The following PPP2R5C variants were observed in gnomAD, a reference collection of about 807,000 sequenced individuals.
PPP2R5C encodes serine/threonine-protein phosphatase 2A 56 kDa regulatory subunit gamma isoform.
In PPP2R5C, 7 loss-of-function variants were observed where a neutral mutation model predicts 68.9. The ratio of observed to expected loss-of-function variants is 0.10; its 90% CI spans 0.06 to 0.19. PPP2R5C has a LOEUF of 0.19. Among genes scored for constraint, PPP2R5C ranks in the 10% least tolerant of loss-of-function variants. The pLI is 1.00. For missense variants in PPP2R5C, 348 were observed against 641.3 expected, an observed-to-expected ratio of 0.54 and a Z score of 4.94; for synonymous variants, 210 against 222.2, an observed-to-expected ratio of 0.95 and a Z score of 0.49.
At chr14:101,768,970 G>A (rs539520369) in intron 2 of PPP2R5C, among the ~76,000 whole-genome samples, 30 of 152,008 alleles carry the variant, frequency 2.0e-4, no homozygotes, top group South Asian at 4.2e-4. Context: ...GACTACAGGC[G>A]CCCGCCACCA....
At chr14:101,840,805 G>A (rs1203650555) in intron 1 of PPP2R5C, among the ~76,000 whole-genome samples, 1 of 152,182 alleles carries the variant, frequency 6.6e-6, no homozygotes, top group African/African-American at 2.4e-5. Flanking sequence ...TGCAGAACCA[G>A]ACATTGTCAA....
At chr14:101,907,093 T>C (rs1190058551) in intron 10 of PPP2R5C, among the ~76,000 whole-genome samples, 1 of 152,250 alleles carries the variant, frequency 6.6e-6, no homozygotes, top group African/African-American at 2.4e-5. Context: ...TACTGAGCAA[T>C]AGTCTTCTGA....
At chr14:101,881,293 G>A (rs1157046418) in intron 2 of PPP2R5C, among the ~76,000 whole-genome samples, 1 of 152,048 alleles carries the variant, frequency 6.6e-6, no homozygotes, top group African/African-American at 2.4e-5. Context: ...CTAGCTACTC[G>A]GGAGGCTGAG....
At chr14:101,851,084 G>A (rs914566529) in intron 1 of PPP2R5C, among the ~76,000 whole-genome samples, 4 of 152,138 alleles carry the variant, frequency 2.6e-5, no homozygotes, top group African/African-American at 4.8e-5. Context: ...TCTTGTCTGT[G>A]GGCTCGCGAC....
At chr14:101,844,423 C>G (rs1013014986) in intron 1 of PPP2R5C, among the ~76,000 whole-genome samples, 1 of 152,144 alleles carries the variant, frequency 6.6e-6, no homozygotes. Context: ...TGGCCCTGAT[C>G]CCCCGGCTGC....
At chr14:101,762,633 C>T (rs768352242) in intron 1 of PPP2R5C, among the ~76,000 whole-genome samples, 6 of 151,928 alleles carry the variant, frequency 3.9e-5, no homozygotes, top group Non-Finnish European at 8.8e-5. Context: ...TCTCAAAATG[C>T]CAGAAGCACT....
intron 1 of PPP2R5C, chr14:101,817,908 A>G (rs1267963932): frequency 6.6e-6 from 1 of 152,200 alleles, no homozygotes. Flanking sequence ...TTCGTAGGTC[A>G]CGTATGGTAC....
Position 101,892,969 on chromosome 14 carries a change from T to C in PPP2R5C, c.690-31T>C, listed in dbSNP as rs774988952. On this transcript the variant is annotated intron_variant, in intron 6 of 13. Transcript: ENST00000334743. ...TTGTTTAAAACCTGGAATTCGTAAA[T>C]GTTCAAACCTAATAAATGTTCTTTT... is the stretch of plus-strand genomic sequence containing the variant. 1.3e-5 allele frequency: 19 copies of C among 1,443,214 alleles called. No individual in the cohort carries two copies. The African/African-American group carries it at 2.4e-4, about 18-fold the overall frequency. 89.4% of individuals were successfully genotyped at this position (1,443,214 alleles called of 1,614,324 possible). A position where few individuals can be genotyped will look rare whatever the true frequency, so the allele number is the denominator to read the frequency against.
intron 1 of PPP2R5C, among the ~76,000 whole-genome samples, chr14:101,822,530 A>C (rs1389124966): frequency 1.3e-5 from 2 of 152,224 alleles, no homozygotes; most frequent in Non-Finnish European, 2.9e-5. Context: ...ACAACATTTA[A>C]ATTTAAGCCA....
chr14:101,790,093 AC>A (rs759465478), intron 3 of PPP2R5C, among the ~76,000 whole-genome samples: 59 of 151,110 alleles, frequency 3.9e-4, no homozygotes, highest in Non-Finnish European at 7.1e-4. Context: ...TTTTATTTTA[AC>A]CTTTTCTTCA....
chr14:101,761,002 G>A (rs2036484281), upstream of PPP2R5C, among the ~76,000 whole-genome samples: 1 of 112,766 alleles, frequency 8.9e-6, no homozygotes, highest in African/African-American at 3.5e-5. Flanking sequence ...CGGGCTGGTC[G>A]AGAGAAGGGG....
chr14:101,857,609 A>C (rs2042500203), intron 2 of PPP2R5C, among the ~76,000 whole-genome samples: 1 of 152,236 alleles, frequency 6.6e-6, no homozygotes. Context: ...TGAAGTGTCA[A>C]ACTTTACAGC....
At chr14:101,854,260 T>C (rs989643821) in intron 1 of PPP2R5C, among the ~76,000 whole-genome samples, 2 of 152,180 alleles carry the variant, frequency 1.3e-5, no homozygotes, top group Non-Finnish European at 2.9e-5. Context: ...GATCTCTGAA[T>C]GCAGCGTAGG....
intron 3 of PPP2R5C, among the ~76,000 whole-genome samples, chr14:101,803,724 C>A: frequency 6.8e-6 from 1 of 148,080 alleles, no homozygotes. Context: ...AGCAAGACTC[C>A]ATCTCAAAAA....
intron 8 of PPP2R5C, among the ~76,000 whole-genome samples, chr14:101,897,045 G>C (rs1353755842): frequency 6.6e-6 from 1 of 152,128 alleles, no homozygotes; most frequent in South Asian, 2.1e-4. Context: ...AGGTGCTACA[G>C]AGCCACGAGC....
chr14:101,872,219 C>CATT (rs2043467165), intron 2 of PPP2R5C, among the ~76,000 whole-genome samples: 1 of 91,196 alleles, frequency 1.1e-5, no homozygotes, highest in Non-Finnish European at 2.0e-5. Context: ...TTTCTTTTGC[C>CATT]TTTTTTTTTT....
chr14:101,858,312 A>C (rs943782396), intron 2 of PPP2R5C, among the ~76,000 whole-genome samples: 1 of 152,126 alleles, frequency 6.6e-6, no homozygotes, highest in Admixed American at 6.5e-5. Context: ...TGTTTTGCGC[A>C]TCACATTTTA....
chr14:101,899,628 A>G lies in PPP2R5C; in HGVS notation c.853-2091A>G, dbSNP rs554992602. On this transcript the variant is annotated intron_variant, in intron 8 of 13. Coordinates refer to ENST00000334743, the Ensembl canonical transcript of PPP2R5C. This position sits in a 1 kb window ranked among gnomAD's most constrained non-coding sequence, Gnocchi z 4.2. Reference sequence around the variant, plus strand: ...CTAAATCGGTTGTGTTGTATAGTTCACAAATTAACATATTTCTCCTAATAA... The same window carrying G: ...CTAAATCGGTTGTGTTGTATAGTTCGCAAATTAACATATTTCTCCTAATAA... 6.6e-6 allele frequency among the ~76,000 whole-genome samples: 1 copy of G among 152,364 alleles called. No individual in the cohort carries two copies. The highest frequency in any genetic ancestry group is 1.5e-5 in the Non-Finnish European group (1 of 68,038).
chr14:101,796,578 C>G (rs2038619639), intron 3 of PPP2R5C: 1 of 153,628 alleles, frequency 6.5e-6, no homozygotes, highest in East Asian at 1.9e-4. Context: ...ACCACCAGGG[C>G]CACTCCCTCT....
Sources: allele counts gnomAD v4.1 joint callset (sites outside exome capture counted in the v4.1 genomes callset), GRCh38; gene constraint gnomAD v4.1.1; non-coding constraint Gnocchi (gnomAD v3.1); transcripts MANE v1.5; gene names NCBI Gene and HGNC (gene_info 2026-07-23, HGNC 2026-07-21).